Variants in TAF6 observed in about 807,000 individuals in gnomAD.
The protein encoded by TAF6 is transcription initiation factor TFIID subunit 6.
TAF6 carries 50 observed loss-of-function variants against 73.5 expected under a neutral mutation model. The observed-to-expected ratio is 0.68, with a 90% CI of 0.54 to 0.86. The LOEUF (loss-of-function observed/expected upper bound fraction) is 0.86, where lower values mean the gene tolerates loss of function less well. Ranked by LOEUF, TAF6 falls within the 40% of genes least tolerant of loss-of-function variation. The pLI is 0.00. For missense variants in TAF6, 768 were observed against 899.5 expected, an observed-to-expected ratio of 0.85 and a Z score of 1.87; for synonymous variants, 424 against 376.7, an observed-to-expected ratio of 1.13 and a Z score of -1.45.
intron 1 of TAF6, chr7:100,119,003 A>G: frequency 1.0e-6 from 1 of 985,468 alleles, no homozygotes; most frequent in Non-Finnish European, 1.2e-6. Flanking sequence ...CGCTACAGTC[A>G]CAGGATCTCC....
At chr7:100,122,391 T>C, upstream of TAF6, 1 of 1,613,774 alleles carries the variant, frequency 6.2e-7, no homozygotes, top group Non-Finnish European at 8.5e-7. Context: ...GTTTCGTGAG[T>C]CCTTCGTGCT....
intron 6 of TAF6, 71 bp from the exon 7 acceptor site, chr7:100,112,324 C>G: frequency 6.5e-7 from 1 of 1,543,906 alleles, no homozygotes; most frequent in South Asian, 1.2e-5. Context: ...AGAACCTTAA[C>G]CCTCCACTTC....
At chr7:100,123,010 G>C (rs1481078033), upstream of TAF6, 4 of 1,330,488 alleles carry the variant, frequency 3.0e-6, no homozygotes, top group Non-Finnish European at 4.1e-6. Context: ...TAAGCATGGG[G>C]AAGGGGCCAG....
chr7:100,114,166 G>C lies in TAF6; in HGVS notation c.44C>G (p.Pro15Arg). 4 of 1,614,234 alleles carry C rather than the reference G, an allele frequency of 2.5e-6. No homozygotes were observed. Among genetic ancestry groups the C allele is most frequent in the Non-Finnish European group, 3.4e-6 (4 of 1,180,050 alleles). ...KKLKLSNTVL[P>R]SESMKVVAES... ...AGCCACCACCTTCATGGACTCCGAGGGCAGCACAGTGTTGCTAAGCTTCAG... is the reference window on the plus strand; with the variant it reads ...AGCCACCACCTTCATGGACTCCGAGCGCAGCACAGTGTTGCTAAGCTTCAG... The change falls in exon 2 of 15, where the codon CCC (proline) becomes CGC (arginine). Residue 15 changes from proline (P) to arginine (R), a missense_variant. By Grantham distance (103) the Pro-to-Arg change is moderately radical. Coordinates refer to ENST00000453269, the MANE Select transcript of TAF6 (RefSeq NM_139315.3).
upstream of TAF6, chr7:100,121,116 A>ATATACATATATTT (rs1584585316): frequency 2.1e-4 from 11 of 52,798 alleles, no homozygotes; most frequent in Non-Finnish European, 2.9e-4. Flanking sequence ...ATATATATAT[A>ATATACATATATTT]TTTTTTTTTT....
upstream of TAF6, chr7:100,119,365 G>A (rs1005482696): frequency 1.1e-5 from 12 of 1,046,862 alleles, no homozygotes; most frequent in African/African-American, 1.2e-4. Flanking sequence ...GCCCCCTCGT[G>A]GGAGCAGGTC....
At chr7:100,126,993 G>A in the TAF6 span, 1 of 175,348 alleles carries the variant, frequency 5.7e-6, no homozygotes. Flanking sequence ...GAACCGCAGA[G>A]GACAAACTCT....
intron 12 of TAF6, among the ~76,000 whole-genome samples, chr7:100,109,262 T>G (rs1796926081): frequency 6.6e-6 from 1 of 150,884 alleles, no homozygotes; most frequent in Admixed American, 6.6e-5. Flanking sequence ...AGGCAGAGGT[T>G]GCAGTGAGCC....
chr7:100,126,983 GA>G, the TAF6 span: 2 of 168,114 alleles, frequency 1.2e-5, no homozygotes, highest in African/African-American at 4.8e-5. Flanking sequence ...GGGTACACGG[GA>G]ACCGCAGAGG....
upstream of TAF6, chr7:100,119,502 G>T (rs1797953687): frequency 7.5e-7 from 1 of 1,338,240 alleles, no homozygotes; most frequent in Admixed American, 3.0e-5. Context: ...CTCCCTCTTG[G>T]TGTAATTACT....
chr7:100,109,022 G>GAA (rs1243805008), intron 12 of TAF6: 6 of 131,590 alleles, frequency 4.6e-5, no homozygotes, highest in Non-Finnish European at 6.5e-5. Context: ...GACTGTCTCA[G>GAA]AAAAAAAAAA....
upstream of TAF6, chr7:100,122,234 C>A (rs547648272): frequency 1.1e-5 from 17 of 1,613,306 alleles, no homozygotes; most frequent in African/African-American, 1.5e-4. Context: ...TTTACCTCCC[C>A]CCGGACGTTT....
chr7:100,112,306 G>A lies in TAF6; in HGVS notation c.575-53C>T, dbSNP rs555804988. 9.2e-5 allele frequency: 145 copies of A among 1,584,274 alleles called. 4 individuals are homozygous for A. The Admixed American group carries it at 2.1e-3, about 23-fold the overall frequency. ...AAAGAAAGCTCCAGAAGAAACCTCA[G>A]TAACAGAAGAACCTTAACCCTCCAC... is the stretch of plus-strand genomic sequence containing the variant. On this transcript the variant is annotated intron_variant, in intron 6 of 14. Coordinates refer to ENST00000453269, the MANE Select transcript of TAF6 (RefSeq NM_139315.3).
intron 1 of TAF6, 58 bp from the exon 2 acceptor site, chr7:100,114,326 C>A: frequency 6.5e-7 from 1 of 1,541,210 alleles, no homozygotes; most frequent in Admixed American, 1.8e-5. Flanking sequence ...GGGAGAGGGC[C>A]AACAAAGGGA....
chr7:100,121,579 C>G (rs1315504188), upstream of TAF6, among the ~76,000 whole-genome samples: 4 of 152,000 alleles, frequency 2.6e-5, no homozygotes, highest in East Asian at 5.9e-4. Context: ...TCCCGAGTAG[C>G]TATTACAGGT....
chr7:100,122,477 A>G (rs1479430058), upstream of TAF6: 4 of 1,613,690 alleles, frequency 2.5e-6, no homozygotes, highest in East Asian at 2.2e-5. Flanking sequence ...CTCTCTTTCC[A>G]CAGAGAGACA....
intron 14 of TAF6, 50 bp downstream of exon 14, chr7:100,107,876 T>A: frequency 6.4e-7 from 1 of 1,560,358 alleles, no homozygotes; most frequent in Non-Finnish European, 8.7e-7. Flanking sequence ...CAGGGTGCTC[T>A]GAGGTAACCC....
chr7:100,122,386 G>T (rs753376538), upstream of TAF6: 2 of 1,613,976 alleles, frequency 1.2e-6, no homozygotes, highest in Admixed American at 1.7e-5. Context: ...ACAGCGTTTC[G>T]TGAGTCCTTC....
chr7:100,122,244 TCTC>T (rs773844068), upstream of TAF6: 2 of 1,613,504 alleles, frequency 1.2e-6, no homozygotes, highest in South Asian at 1.1e-5. Context: ...CCCGGACGTT[TCTC>T]CTCCCCACCA....
Sources: gnomAD v4.1 joint callset for allele counts (sites outside exome capture counted in the v4.1 genomes callset) on GRCh38, gnomAD v4.1.1 for gene constraint, MANE v1.5 for transcripts, NCBI Gene and HGNC (gene_info 2026-07-23, HGNC 2026-07-21) for gene names.